Variants in AGPAT4 observed in about 807,000 individuals in gnomAD.
AGPAT4 encodes the protein 1-acylglycerol-3-phosphate O-acyltransferase 4.
AGPAT4 carries 15 observed loss-of-function variants against 48.0 expected under a neutral mutation model. The observed-to-expected ratio is 0.31, with a 90% CI of 0.21 to 0.48. AGPAT4 has a LOEUF of 0.48. Ranked by LOEUF, AGPAT4 falls within the 20% of genes least tolerant of loss-of-function variation. AGPAT4 has a pLI of 0.99. For missense variants in AGPAT4, 314 were observed against 482.5 expected (o/e 0.65, Z 3.27); for synonymous variants, 178 against 198.7 (o/e 0.90, Z 0.88).
intron 2 of AGPAT4, among the ~76,000 whole-genome samples, chr6:161,227,922 T>A (rs940677999): frequency 3.3e-5 from 5 of 151,994 alleles, no homozygotes; most frequent in Non-Finnish European, 4.4e-5. Context: ...AAATAAAAAA[T>A]TCTAAACCCT....
chr6:161,241,538 T>C lies in AGPAT4; in HGVS notation c.-89-9236A>G, dbSNP rs889787719. Among the ~76,000 whole-genome samples, 7 of 152,250 alleles carry C rather than the reference T, an allele frequency of 4.6e-5. No individual in the cohort carries two copies. The East Asian group carries it at 7.7e-4, about 17-fold the overall frequency. ...ATGCTTCTAAGTTCATATTTAATAGTTGGTTCTGAGTAGCTTGTGAGAGAA... is the reference window on the plus strand; with the variant it reads ...ATGCTTCTAAGTTCATATTTAATAGCTGGTTCTGAGTAGCTTGTGAGAGAA... On this transcript the variant is annotated intron_variant, in intron 1 of 8. Transcript: ENST00000320285.
intron 1 of AGPAT4, among the ~76,000 whole-genome samples, chr6:161,239,498 T>C (rs1386452740): frequency 1.3e-5 from 2 of 152,252 alleles, no homozygotes; most frequent in Non-Finnish European, 2.9e-5. Context: ...TTGTTTGTTT[T>C]TAATATAGAT....
At chr6:161,241,811 C>A (rs373410161) in intron 1 of AGPAT4, among the ~76,000 whole-genome samples, 1 of 152,224 alleles carries the variant, frequency 6.6e-6, no homozygotes, top group Admixed American at 6.5e-5. Context: ...CGGCTCACTG[C>A]AACCTCCGCC....
chr6:161,187,534 T>C (rs1780804207), intron 2 of AGPAT4, among the ~76,000 whole-genome samples: 1 of 151,254 alleles, frequency 6.6e-6, no homozygotes, highest in East Asian at 1.9e-4. Context: ...TATTTATTTA[T>C]TTATTTATTT....
In AGPAT4 at chr6:161,222,973, C is replaced by A. The variant is rs1260785889; in HGVS notation, c.178+9063G>T. On this transcript the variant is annotated intron_variant, in intron 2 of 8. Transcript: ENST00000320285. This position sits in a 1 kb window ranked among gnomAD's most constrained non-coding sequence, Gnocchi z 5.9. ...ACTGAACCACCTCTCCTCTTGCCAACATCTCACAATTCCCCTCATTCCTCA... is the reference window on the plus strand; with the variant it reads ...ACTGAACCACCTCTCCTCTTGCCAAAATCTCACAATTCCCCTCATTCCTCA... 6.6e-6 allele frequency among the ~76,000 whole-genome samples: 1 copy of A among 152,216 alleles called. No individual in the cohort carries two copies. Among genetic ancestry groups the A allele is most frequent in the South Asian group, 2.1e-4 (1 of 4,830 alleles).
Position 161,158,561 on chromosome 6 carries a change from TCC to T in AGPAT4, c.349-4253_349-4252del, listed in dbSNP as rs112416978. Among the ~76,000 whole-genome samples, 10 of 152,030 alleles carry T rather than the reference TCC, an allele frequency of 6.6e-5. No individual in the cohort carries two copies. Among genetic ancestry groups the T allele is most frequent in the African/African-American group, 2.4e-4 (10 of 41,392 alleles). On this transcript the variant is annotated intron_variant, in intron 3 of 8. Coordinates refer to ENST00000320285, the MANE Select transcript of AGPAT4 (RefSeq NM_020133.3). This position sits in a 1 kb window ranked among gnomAD's most constrained non-coding sequence, Gnocchi z 5.3. ...CTAGTTGAGCGACCCATCCTGAGGCTCCCCACAGCTCAGGGAAGCAGCCAGCC... is the reference window on the plus strand; with the variant it reads ...CTAGTTGAGCGACCCATCCTGAGGCTCCACAGCTCAGGGAAGCAGCCAGCC...
At position 161,133,100 on chromosome 6, in the gene AGPAT4, G is replaced by A. The variant is rs967944077; in HGVS notation, c.*3440C>T. The A allele has an allele frequency of 6.6e-6, 1 of 152,220 alleles. No homozygotes were observed. 9.4% of individuals were successfully genotyped at this position (152,220 alleles called of 1,614,324 possible). ...CTTGAGCAGAAGTAGAGACCCTAGAGAATCTTCACTGGATACCTTGCTTCA... is the reference window on the plus strand; with the variant it reads ...CTTGAGCAGAAGTAGAGACCCTAGAAAATCTTCACTGGATACCTTGCTTCA... On this transcript the variant is annotated 3_prime_UTR_variant, in exon 9 of 9. Transcript: ENST00000320285.
Position 161,149,047 on chromosome 6 carries a change from G to T in AGPAT4, c.767+140C>A. 1.8e-6 allele frequency: 2 copies of T among 1,141,492 alleles called. No individual in the cohort carries two copies. The highest frequency in any genetic ancestry group is 2.4e-6 in the Non-Finnish European group (2 of 836,922). 70.7% of individuals were successfully genotyped at this position (1,141,492 alleles called of 1,614,324 possible). On this transcript the variant is annotated intron_variant, in intron 6 of 8. Transcript: ENST00000320285. The surrounding 1 kb of genome is among the most constrained non-coding windows in gnomAD (Gnocchi z 6.5). ...CAGCAGATCATTCCAATAGTAGGATGTGTCAAATTCAATGCAAAACAGACT... is the reference window on the plus strand; with the variant it reads ...CAGCAGATCATTCCAATAGTAGGATTTGTCAAATTCAATGCAAAACAGACT...
At position 161,267,564 on chromosome 6, in the gene AGPAT4, G is replaced by A. The variant is rs537083470; in HGVS notation, c.-90+6374C>T. On this transcript the variant is annotated intron_variant, in intron 1 of 8. Transcript: ENST00000320285. This position sits in a 1 kb window ranked among gnomAD's most constrained non-coding sequence, Gnocchi z 5.2. ...CCCTGTCTCTACTAAAAATACACAC[G>A]CAAAAAAATTAGCCAGGTGTGGTGG... Among the ~76,000 whole-genome samples, 2 of 151,656 alleles carry A rather than the reference G, an allele frequency of 1.3e-5. No homozygotes were observed. The highest frequency in any genetic ancestry group is 1.9e-4 in the East Asian group (1 of 5,152).
At chr6:161,230,416 G>A (rs1439104666) in intron 2 of AGPAT4, among the ~76,000 whole-genome samples, 2 of 152,318 alleles carry the variant, frequency 1.3e-5, no homozygotes, top group East Asian at 3.9e-4. Flanking sequence ...AGCGTAATCA[G>A]TATTGCTTTG....
intron 1 of AGPAT4, among the ~76,000 whole-genome samples, chr6:161,248,566 T>C (rs958569274): frequency 3.7e-4 from 41 of 112,202 alleles, no homozygotes; most frequent in African/African-American, 1.6e-3. Context: ...AGCGAGACTC[T>C]GTCTCAAAAA....
At position 161,136,667 on chromosome 6, in the gene AGPAT4, G is replaced by A. The variant is rs758907269; in HGVS notation, c.1043-33C>T. On this transcript the variant is annotated intron_variant, in intron 8 of 8. Transcript: ENST00000320285. ...GACAAGGAGAGCAGAGTTAGGAGTAGCCCAAACAGACTACAGGGCCGTTTT... is the reference window on the plus strand; with the variant it reads ...GACAAGGAGAGCAGAGTTAGGAGTAACCCAAACAGACTACAGGGCCGTTTT... The A allele has an allele frequency of 1.9e-6, 3 of 1,589,330 alleles. No individual in the cohort carries two copies. In the African/African-American group the frequency reaches 4.0e-5, roughly 21 times the overall value.
rs555807808 is a variant in AGPAT4 at position 161,234,373 on chromosome 6, G to A, written c.-89-2071C>T. On this transcript the variant is annotated intron_variant, in intron 1 of 8. Coordinates refer to ENST00000320285, the MANE Select transcript of AGPAT4 (RefSeq NM_020133.3). This position sits in a 1 kb window ranked among gnomAD's most constrained non-coding sequence, Gnocchi z 4.4. ...ACATCCCATTCTCTAGGCCCCAGAA[G>A]CTCCACTCTCTGGCACAAATCCAGG... 2.2e-4 allele frequency among the ~76,000 whole-genome samples: 33 copies of A among 152,192 alleles called. No individual in the cohort carries two copies. The highest frequency in any genetic ancestry group is 7.0e-4 in the African/African-American group (29 of 41,524).
Position 161,131,450 on chromosome 6 carries a change from A to G in AGPAT4, c.*5090T>C, listed in dbSNP as rs1255450398. 1 of 152,498 alleles carries G rather than the reference A, an allele frequency of 6.6e-6. No homozygotes were observed. Among genetic ancestry groups the G allele is most frequent in the African/African-American group, 2.4e-5 (1 of 41,452 alleles). 9.4% of individuals were successfully genotyped at this position (152,498 alleles called of 1,614,324 possible). A position where few individuals can be genotyped will look rare whatever the true frequency, so the allele number is the denominator to read the frequency against. On this transcript the variant is annotated 3_prime_UTR_variant, in exon 9 of 9. Coordinates refer to ENST00000320285, the MANE Select transcript of AGPAT4 (RefSeq NM_020133.3). Reference sequence around the variant, plus strand: ...AATTACTCAAGTTTATTTTGGCCTAATTATTCTTAAGAAAGGTGGTTCTTT... The same window carrying G: ...AATTACTCAAGTTTATTTTGGCCTAGTTATTCTTAAGAAAGGTGGTTCTTT...
At position 161,255,087 on chromosome 6, in the gene AGPAT4, G is replaced by A. The variant is rs1782912188; in HGVS notation, c.-90+18851C>T. 6.6e-6 allele frequency among the ~76,000 whole-genome samples: 1 copy of A among 152,152 alleles called. No individual in the cohort carries two copies. Among genetic ancestry groups the A allele is most frequent in the South Asian group, 2.1e-4 (1 of 4,834 alleles). On this transcript the variant is annotated intron_variant, in intron 1 of 8. Coordinates refer to ENST00000320285, the MANE Select transcript of AGPAT4 (RefSeq NM_020133.3). The surrounding 1 kb of genome is among the most constrained non-coding windows in gnomAD (Gnocchi z 4.7). ...AAGTCTAGACAGGCCCTGGTTCCCT[G>A]TGATAAACTCCAGATCATCACCACC...
At chr6:161,205,225 T>G (rs1324148171) in intron 2 of AGPAT4, among the ~76,000 whole-genome samples, 5 of 152,126 alleles carry the variant, frequency 3.3e-5, no homozygotes, top group Non-Finnish European at 5.9e-5. Context: ...AGAGTGGGCA[T>G]GCACATCCCA....
At position 161,154,444 on chromosome 6, in the gene AGPAT4, G is replaced by A; in HGVS notation, c.349-134C>T. 7 of 996,778 alleles carry A rather than the reference G, an allele frequency of 7.0e-6. No homozygotes were observed. In the East Asian group the frequency reaches 1.9e-4, roughly 26 times the overall value. 61.7% of individuals were successfully genotyped at this position (996,778 alleles called of 1,614,324 possible). A position where few individuals can be genotyped will look rare whatever the true frequency, so the allele number is the denominator to read the frequency against. ...GCCTCGGGACAGTCCCAGAACACAT[G>A]CTGTCGAGGCCATGGACCCTGGTGC... On this transcript the variant is annotated intron_variant, in intron 3 of 8. Transcript: ENST00000320285. This position sits in a 1 kb window ranked among gnomAD's most constrained non-coding sequence, Gnocchi z 7.8.
intron 2 of AGPAT4, among the ~76,000 whole-genome samples, chr6:161,182,554 C>A (rs1327206295): frequency 6.6e-6 from 1 of 152,178 alleles, no homozygotes; most frequent in East Asian, 1.9e-4. Context: ...ACCCCAGCCC[C>A]TTGAGGTGCC....
intron 2 of AGPAT4, among the ~76,000 whole-genome samples, chr6:161,230,715 T>C (rs991670588): frequency 2.0e-5 from 3 of 152,338 alleles, no homozygotes; most frequent in African/African-American, 2.4e-5. Flanking sequence ...TTGGATTGAA[T>C]TGGTGGTTGT....
Sources: allele counts gnomAD v4.1 joint callset (sites outside exome capture counted in the v4.1 genomes callset), GRCh38; gene constraint gnomAD v4.1.1; non-coding constraint Gnocchi (gnomAD v3.1); transcripts MANE v1.5; gene names NCBI Gene and HGNC (gene_info 2026-07-23, HGNC 2026-07-21).